SPATA1: variants seen among roughly 807,000 people sequenced by gnomAD.
SPATA1 encodes the protein spermatogenesis-associated protein 1.
Under a neutral mutation model 59.6 loss-of-function variants are expected in SPATA1, and 57 were observed. The observed-to-expected ratio is 0.96, with a 90% CI of 0.77 to 1.19. SPATA1 has a LOEUF of 1.19. Among genes scored for constraint, SPATA1 ranks in the 50% most tolerant of loss-of-function variants. SPATA1 has a pLI of 0.00. For missense variants in SPATA1, 448 were observed against 480.7 expected (o/e 0.93, Z 0.64); for synonymous variants, 147 against 163.9 (o/e 0.90, Z 0.79).
At chr1:84,557,535 A>G (rs1684473425), downstream of SPATA1, among the ~76,000 whole-genome samples, 2 of 79,718 alleles carry the variant, frequency 2.5e-5, no homozygotes, top group African/African-American at 5.4e-5. Context: ...CTCCATCTCA[A>G]AAAAAAAAAA....
intron 1 of SPATA1, among the ~76,000 whole-genome samples, chr1:84,511,300 A>G (rs917277644): frequency 2.0e-5 from 3 of 152,212 alleles, no homozygotes; most frequent in African/African-American, 4.8e-5. Context: ...CAAAAATTAC[A>G]AAGTAAAAGA....
intron 8 of SPATA1, among the ~76,000 whole-genome samples, chr1:84,541,302 C>A (rs1373172723): frequency 2.0e-5 from 3 of 149,172 alleles, no homozygotes; most frequent in African/African-American, 5.1e-5. Context: ...TTAAATAGAT[C>A]TGTTTCATTG....
intron 6 of SPATA1, among the ~76,000 whole-genome samples, chr1:84,528,594 T>C (rs1335140906): frequency 6.6e-6 from 1 of 152,236 alleles, no homozygotes; most frequent in African/African-American, 2.4e-5. Context: ...TTTATTTACA[T>C]TACAATTTAT....
intron 11 of SPATA1, among the ~76,000 whole-genome samples, chr1:84,549,245 G>T (rs1231249032): frequency 6.6e-6 from 1 of 151,992 alleles, no homozygotes; most frequent in African/African-American, 2.4e-5. Context: ...AGTGGTCAAG[G>T]GCAAGTAGGG....
exon 5 of SPATA1, chr1:84,565,999 A>G: frequency 6.5e-7 from 1 of 1,545,118 alleles, no homozygotes; most frequent in South Asian, 1.3e-5. Context: ...AGACCAAGCT[A>G]CATCAAAGGT....
chr1:84,531,896 G>C (rs1166249481), intron 6 of SPATA1, among the ~76,000 whole-genome samples: 7 of 151,948 alleles, frequency 4.6e-5, no homozygotes, highest in African/African-American at 1.7e-4. Flanking sequence ...ATATTAATTT[G>C]GCTCACTTAT....
chr1:84,549,077 T>A, intron 11 of SPATA1, 113 bp downstream of exon 11: 3 of 1,054,348 alleles, frequency 2.8e-6, no homozygotes, highest in Non-Finnish European at 3.9e-6. Flanking sequence ...TAAACTTGCT[T>A]AAAACAATAA....
chr1:84,550,296 A>T, intron 11 of SPATA1, 136 bp from the exon 12 acceptor site: 1 of 425,604 alleles, frequency 2.3e-6, no homozygotes, highest in Non-Finnish European at 4.1e-6. Context: ...AAAGCAATTT[A>T]GTTTACTTTA....
chr1:84,509,167 T>C (rs1682418321), intron 1 of SPATA1, among the ~76,000 whole-genome samples: 1 of 148,094 alleles, frequency 6.8e-6, no homozygotes, highest in South Asian at 2.1e-4. Context: ...CCTCAAATTA[T>C]ACAACAGAGC....
Position 84,532,903 on chromosome 1 carries a change from T to A in SPATA1, c.588T>A (p.Asn196Lys), listed in dbSNP as rs141233237. The change falls in exon 7 of 13, where the codon AAT (asparagine) becomes AAA (lysine). Residue 196 changes from asparagine (N) to lysine (K), a missense_variant. By Grantham distance (94) the Asn-to-Lys change is moderately conservative. Coordinates refer to ENST00000490879, the Ensembl canonical transcript of SPATA1. ...CAGAAAAAAGCCAAATTGCAAAAAATCAAATTGGAAATTCTGAGTTGCCAG... is the reference window on the plus strand; with the variant it reads ...CAGAAAAAAGCCAAATTGCAAAAAAACAAATTGGAAATTCTGAGTTGCCAG... The A allele has an allele frequency of 7.1e-6, 11 of 1,551,956 alleles. No individual in the cohort carries two copies. The African/African-American group carries it at 1.2e-4, about 17-fold the overall frequency.
At chr1:84,549,536 G>A (rs1412819873) in intron 11 of SPATA1, 1 of 152,216 alleles carries the variant, frequency 6.6e-6, no homozygotes. Context: ...GTGGTGGCGG[G>A]AGGGCTTATA....
intron 12 of SPATA1, chr1:84,552,883 T>C (rs1302468898): frequency 3.4e-6 from 2 of 580,556 alleles, no homozygotes; most frequent in Non-Finnish European, 6.1e-6. Context: ...TCTACACATT[T>C]ACTGTAGTAA....
chr1:84,525,798 C>G, intron 5 of SPATA1, 47 bp from the exon 6 acceptor site: 1 of 1,606,008 alleles, frequency 6.2e-7, no homozygotes, highest in Non-Finnish European at 8.5e-7. Context: ...ACTTAGAGCA[C>G]TGCTTTTAAT....
chr1:84,519,286 A>G (rs1038481756), intron 2 of SPATA1, among the ~76,000 whole-genome samples: 1 of 152,108 alleles, frequency 6.6e-6, no homozygotes, highest in Non-Finnish European at 1.5e-5. Flanking sequence ...ATTGATGAGT[A>G]GCTTCCATTA....
At chr1:84,526,912 A>C (rs1017523397) in intron 6 of SPATA1, among the ~76,000 whole-genome samples, 4 of 151,856 alleles carry the variant, frequency 2.6e-5, no homozygotes, top group African/African-American at 9.7e-5. Flanking sequence ...AAATGTTTAA[A>C]TAAAAATTAA....
At chr1:84,527,726 A>C (rs928582828) in intron 6 of SPATA1, 1 of 145,338 alleles carries the variant, frequency 6.9e-6, no homozygotes, top group Non-Finnish European at 1.5e-5. Context: ...TAGTGCAATG[A>C]GCAACATTTT....
intron 4 of SPATA1, among the ~76,000 whole-genome samples, chr1:84,560,912 C>T (rs993609431): frequency 6.6e-6 from 1 of 152,204 alleles, no homozygotes; most frequent in Admixed American, 6.5e-5. Flanking sequence ...TATTACTGCT[C>T]ATTGACAATG....
downstream of SPATA1, among the ~76,000 whole-genome samples, chr1:84,556,724 A>AC (rs1368355593): frequency 6.6e-6 from 1 of 151,892 alleles, no homozygotes; most frequent in African/African-American, 2.4e-5. Flanking sequence ...AAAAAAAAAA[A>AC]AAAAGACCAC....
At chr1:84,526,771 A>T (rs1289761231) in intron 6 of SPATA1, among the ~76,000 whole-genome samples, 1 of 151,372 alleles carries the variant, frequency 6.6e-6, no homozygotes, top group Non-Finnish European at 1.5e-5. Flanking sequence ...AGGAGACTGA[A>T]GCAGGAGGAT....
Sources: allele counts gnomAD v4.1 joint callset (sites outside exome capture counted in the v4.1 genomes callset), GRCh38; gene constraint gnomAD v4.1.1; transcripts MANE v1.5; gene names NCBI Gene and HGNC (gene_info 2026-07-23, HGNC 2026-07-21).